BMS1: variants seen among roughly 807,000 people sequenced by gnomAD.
BMS1 encodes BMS1 ribosome biogenesis factor, also known as ribosome biogenesis protein BMS1 homolog.
Under a neutral mutation model 138.7 loss-of-function variants are expected in BMS1, and 53 were observed. The ratio of observed to expected loss-of-function variants is 0.38; its 90% CI spans 0.31 to 0.48. The LOEUF (loss-of-function observed/expected upper bound fraction) is 0.48, where lower values mean the gene tolerates loss of function less well. Ranked by LOEUF, BMS1 falls within the 20% of genes least tolerant of loss-of-function variation. The pLI, the probability that BMS1 is intolerant of heterozygous loss-of-function variation, is 0.97. For synonymous variants in BMS1, 504 were observed against 539.9 expected, an observed-to-expected ratio of 0.93 and a Z score of 0.92; for missense variants, 1,360 against 1,565.5, an observed-to-expected ratio of 0.87 and a Z score of 2.22.
At chr10:42,784,655 C>G (rs111647515) in intron 2 of BMS1, 85 bp downstream of exon 2, 1 of 1,451,988 alleles carries the variant, frequency 6.9e-7, no homozygotes, top group African/African-American at 1.4e-5. Context: ...TTTGGATTCA[C>G]GAGTCTAGTC....
chr10:42,824,598 G>A (rs2132388091), intron 21 of BMS1, among the ~76,000 whole-genome samples: 1 of 152,222 alleles, frequency 6.6e-6, no homozygotes, highest in South Asian at 2.1e-4. Flanking sequence ...TTTCTTCTAG[G>A]AGTTTTATGG....
At chr10:42,826,701 C>T (rs149915869) in intron 21 of BMS1, among the ~76,000 whole-genome samples, 48 of 152,288 alleles carry the variant, frequency 3.2e-4, no homozygotes, top group African/African-American at 8.4e-4. Context: ...TTTCCTGGGA[C>T]GTGGGGGTGC....
At chr10:42,790,171 T>A (rs1195800500) in intron 4 of BMS1, 152 bp from the exon 5 acceptor site, 1 of 723,344 alleles carries the variant, frequency 1.4e-6, no homozygotes, top group African/African-American at 1.8e-5. Flanking sequence ...CCATAGACAA[T>A]ATGTAAATGA....
intron 13 of BMS1, among the ~76,000 whole-genome samples, chr10:42,803,986 G>T (rs549946028): frequency 6.6e-6 from 1 of 152,232 alleles, no homozygotes; most frequent in South Asian, 2.1e-4. Flanking sequence ...ATTGAAATGG[G>T]ATCCTACAAT....
At position 42,785,674 on chromosome 10, in the gene BMS1, T is replaced by C. The variant is rs371940631; in HGVS notation, c.367+2T>C. 1 of 1,612,616 alleles carries C rather than the reference T, an allele frequency of 6.2e-7. No homozygotes were observed. Among genetic ancestry groups the C allele is most frequent in the African/African-American group, 1.3e-5 (1 of 74,884 alleles). ...GAGGCCCTGTGACGATTGTGTCAGG[T>C]AGGAGATGCCACCACAGACACAGAG... On this transcript the variant is annotated splice_donor_variant, in intron 3 of 22. Coordinates refer to ENST00000374518, the MANE Select transcript of BMS1 (RefSeq NM_014753.4). LOFTEE classifies it high-confidence loss of function.
At chr10:42,827,298 C>T (rs1337420055) in intron 21 of BMS1, among the ~76,000 whole-genome samples, 4 of 152,132 alleles carry the variant, frequency 2.6e-5, no homozygotes, top group African/African-American at 9.7e-5. Flanking sequence ...GCCAAATAAA[C>T]CTTTTTTATA....
chr10:42,814,752 G>A (rs959231415), intron 13 of BMS1, among the ~76,000 whole-genome samples: 4 of 152,148 alleles, frequency 2.6e-5, no homozygotes, highest in Non-Finnish European at 5.9e-5. Flanking sequence ...CCCTGCTGTT[G>A]CCCACCTGAG....
intron 18 of BMS1, 30 bp from the exon 19 acceptor site, chr10:42,822,032 C>T (rs1449512987): frequency 1.3e-6 from 2 of 1,582,574 alleles, no homozygotes; most frequent in Non-Finnish European, 1.7e-6. Context: ...TGATATTATT[C>T]CTATTTTCAA....
chr10:42,800,843 A>G (rs1450985447), intron 12 of BMS1, among the ~76,000 whole-genome samples: 1 of 151,982 alleles, frequency 6.6e-6, no homozygotes, highest in Non-Finnish European at 1.5e-5. Flanking sequence ...TGATTTTTTA[A>G]TCAGTTTGTG....
intron 4 of BMS1, among the ~76,000 whole-genome samples, chr10:42,789,160 G>T (rs1237049103): frequency 6.6e-6 from 1 of 152,204 alleles, no homozygotes; most frequent in African/African-American, 2.4e-5. Flanking sequence ...GCAGCTGAGG[G>T]ACTGTTTGCT....
chr10:42,785,094 A>T (rs1271240500), intron 2 of BMS1, among the ~76,000 whole-genome samples: 1 of 152,228 alleles, frequency 6.6e-6, no homozygotes, highest in Non-Finnish European at 1.5e-5. Flanking sequence ...AGTAAGTAGG[A>T]GAGCTAAATG....
At chr10:42,787,755 A>G (rs1236398309) in intron 4 of BMS1, among the ~76,000 whole-genome samples, 1 of 152,204 alleles carries the variant, frequency 6.6e-6, no homozygotes, top group Non-Finnish European at 1.5e-5. Flanking sequence ...ATGGTTCCAG[A>G]ACCTTCATCC....
chr10:42,827,070 A>C (rs915175848), intron 21 of BMS1, among the ~76,000 whole-genome samples: 3 of 152,070 alleles, frequency 2.0e-5, no homozygotes, highest in Non-Finnish European at 2.9e-5. Context: ...ATCCTTTATG[A>C]ATAGATTAAT....
chr10:42,811,520 C>CTTT (rs879940551), intron 13 of BMS1, among the ~76,000 whole-genome samples: 13,120 of 120,040 alleles, frequency 0.11, 2,099 homozygotes, highest in African/African-American at 0.18. Context: ...GTTGTATTTT[C>CTTT]TTTTTCTTTT....
chr10:42,828,176 G>A (rs901711847), intron 21 of BMS1, among the ~76,000 whole-genome samples: 7 of 152,174 alleles, frequency 4.6e-5, no homozygotes, highest in African/African-American at 1.7e-4. Context: ...AGTTCCTGAC[G>A]TAGATTTGTT....
intron 13 of BMS1, among the ~76,000 whole-genome samples, chr10:42,802,876 T>A (rs1287414820): frequency 6.6e-6 from 1 of 152,136 alleles, no homozygotes; most frequent in Non-Finnish European, 1.5e-5. Context: ...TTTTATACTT[T>A]GTTCATTTTA....
chr10:42,818,836 C>T (rs1392945746), intron 15 of BMS1, among the ~76,000 whole-genome samples: 1 of 152,076 alleles, frequency 6.6e-6, no homozygotes, highest in Non-Finnish European at 1.5e-5. Flanking sequence ...CGATTGTGGC[C>T]GTGAGTCCTG....
Position 42,802,162 on chromosome 10 carries a change from T to TC in BMS1, c.2274dup (p.Val759ArgfsTer8), listed in dbSNP as rs1841891872. 1 of 1,613,454 alleles carries TC rather than the reference T, an allele frequency of 6.2e-7. No homozygotes were observed. The highest frequency in any genetic ancestry group is 1.7e-5 in the Admixed American group (1 of 59,962). On this transcript the variant is annotated frameshift_variant, in exon 13 of 23. Transcript: ENST00000374518. LOFTEE classifies it high-confidence loss of function. The stretch of plus-strand genomic sequence containing the variant: ...GTTATGAACAGTATCAGAGATTGCT[T>TC]CGTGACTGGAAAGTGGGAAGATGAT...
At chr10:42,794,050 C>T (rs1841597196) in intron 9 of BMS1, 59 bp downstream of exon 9, 1 of 1,569,152 alleles carries the variant, frequency 6.4e-7, no homozygotes. Context: ...ATCATATCAC[C>T]CATAATTCAG....
Sources: gnomAD v4.1 joint callset for allele counts (sites outside exome capture counted in the v4.1 genomes callset) on GRCh38, gnomAD v4.1.1 for gene constraint, MANE v1.5 for transcripts, NCBI Gene and HGNC (gene_info 2026-07-23, HGNC 2026-07-21) for gene names.